The following UGT2B7 variants were observed in gnomAD, a reference collection of about 807,000 sequenced individuals.
UGT2B7 encodes the protein UDP-glucuronosyltransferase 2B7.
UGT2B7 carries 51 observed loss-of-function variants against 51.9 expected under a neutral mutation model. The ratio of observed to expected loss-of-function variants is 0.98; its 90% CI spans 0.78 to 1.24. The LOEUF (loss-of-function observed/expected upper bound fraction) is 1.24. Ranked by LOEUF, UGT2B7 falls within the 50% of genes most tolerant of loss-of-function variation. The pLI is 0.00. For synonymous variants in UGT2B7, 225 were observed against 211.6 expected, an observed-to-expected ratio of 1.06 and a Z score of -0.55; for missense variants, 727 against 628.4, an observed-to-expected ratio of 1.16 and a Z score of -1.68.
At chr4:69,098,752 GTCT>G in intron 2 of UGT2B7, 64 bp downstream of exon 2, 1 of 1,591,082 alleles carries the variant, frequency 6.3e-7, no homozygotes, top group Non-Finnish European at 8.5e-7. Context: ...TGATTCTATA[GTCT>G]TCTTTCAGAG....
At chr4:69,104,106 G>A (rs1719517879) in intron 3 of UGT2B7, among the ~76,000 whole-genome samples, 2 of 152,012 alleles carry the variant, frequency 1.3e-5, no homozygotes, top group Non-Finnish European at 2.9e-5. Flanking sequence ...GGCCAACATG[G>A]TGAAACCCGT....
rs1270145692 is a variant in UGT2B7, at chr4:69,097,240, AG to A, written c.721+1del. ...KWDQFYSEVL[G>X]RPTTLSETMG... is the part of the protein sequence containing the mutation. The stretch of plus-strand genomic sequence containing the variant: ...GGGATCAGTTTTATAGTGAAGTTCT[AG>A]GTAAGTATTTTTTTCAATCAGTAAC... On this transcript the variant is annotated frameshift_variant and splice_region_variant, in exon 1 of 6. Transcript: ENST00000305231. LOFTEE classifies it high-confidence loss of function. The A allele has an allele frequency of 6.2e-7, 1 of 1,601,592 alleles. No individual in the cohort carries two copies. The highest frequency in any genetic ancestry group is 2.2e-5 in the East Asian group (1 of 44,782).
At chr4:69,059,669 C>CT (rs1356283953) in intron 1 of UGT2B7, among the ~76,000 whole-genome samples, 1 of 151,826 alleles carries the variant, frequency 6.6e-6, no homozygotes, top group African/African-American at 2.4e-5. Context: ...ACAGTACCTG[C>CT]TACTCCCTGA....
chr4:69,086,188 T>C (rs931455382), intron 1 of UGT2B7, among the ~76,000 whole-genome samples: 2 of 151,858 alleles, frequency 1.3e-5, no homozygotes, highest in Admixed American at 1.3e-4. Context: ...GGTTTTGTTA[T>C]ATTGTCTTTC....
intron 5 of UGT2B7, among the ~76,000 whole-genome samples, chr4:69,109,969 G>A (rs957446423): frequency 2.0e-5 from 3 of 151,130 alleles, no homozygotes; most frequent in Non-Finnish European, 4.4e-5. Flanking sequence ...AAACCAGCTT[G>A]GACAAATAGA....
chr4:69,108,459 T>C, intron 5 of UGT2B7, 137 bp downstream of exon 5: 1 of 1,084,596 alleles, frequency 9.2e-7, no homozygotes, highest in Non-Finnish European at 1.3e-6. Context: ...GAAATCTGCT[T>C]TTATTTTTAT....
chr4:69,086,447 T>C (rs971812374), intron 1 of UGT2B7, among the ~76,000 whole-genome samples: 1 of 151,948 alleles, frequency 6.6e-6, no homozygotes, highest in Admixed American at 6.6e-5. Flanking sequence ...TTACATACTC[T>C]GCAGCTGTTG....
intron 1 of UGT2B7, 138 bp from the exon 2 acceptor site, chr4:69,098,402 T>C: frequency 6.7e-6 from 6 of 892,394 alleles, no homozygotes; most frequent in Non-Finnish European, 7.9e-6. Context: ...ATTATATCTA[T>C]ATATGAATAT....
chr4:69,054,932 T>C (rs1434206333), intron 1 of UGT2B7, among the ~76,000 whole-genome samples: 1 of 151,864 alleles, frequency 6.6e-6, no homozygotes, highest in African/African-American at 2.4e-5. Flanking sequence ...ATTTTATAGT[T>C]ATTATGAATG....
chr4:69,093,367 G>A (rs1416777295), upstream of UGT2B7, among the ~76,000 whole-genome samples: 1 of 152,218 alleles, frequency 6.6e-6, no homozygotes, highest in Non-Finnish European at 1.5e-5. Flanking sequence ...CCACGCGGCT[G>A]AGAGTTCCAT....
chr4:69,062,795 G>A (rs1401006629), intron 1 of UGT2B7, among the ~76,000 whole-genome samples: 2 of 152,166 alleles, frequency 1.3e-5, no homozygotes, highest in African/African-American at 2.4e-5. Flanking sequence ...ATGCACGGCC[G>A]AAGCTTGAAG....
intron 5 of UGT2B7, among the ~76,000 whole-genome samples, chr4:69,110,640 G>A (rs914247785): frequency 3.9e-5 from 6 of 151,968 alleles, no homozygotes; most frequent in African/African-American, 1.4e-4. Flanking sequence ...TAATGAGTAC[G>A]TATTATATAA....
intron 1 of UGT2B7, among the ~76,000 whole-genome samples, chr4:69,074,821 A>G (rs1243487647): frequency 6.6e-6 from 1 of 152,052 alleles, no homozygotes; most frequent in Non-Finnish European, 1.5e-5. Flanking sequence ...ATTCGTTCCA[A>G]TTTTAACAAC....
chr4:69,090,314 C>G (rs554059510), intron 2 of UGT2B7, among the ~76,000 whole-genome samples: 1 of 152,000 alleles, frequency 6.6e-6, no homozygotes, highest in East Asian at 1.9e-4. Flanking sequence ...ATTAGTTTTG[C>G]CTATTAAATT....
In UGT2B7 at chr4:69,112,905, A is replaced by T; in HGVS notation, c.*169A>T. 1 of 1,025,210 alleles carries T rather than the reference A, an allele frequency of 9.8e-7. No homozygotes were observed. Among genetic ancestry groups the T allele is most frequent in the Non-Finnish European group, 1.3e-6 (1 of 746,410 alleles). The allele number at this position is 1,025,210 out of a possible 1,614,324, so 63.5% of individuals were successfully genotyped here. A position where few individuals can be genotyped will look rare whatever the true frequency, so the allele number is the denominator to read the frequency against. ...TCAAATAAAAATTTGTTTTTCAGAG[A>T]TTTACCACCCAGTTCATGGTTAGAA... On this transcript the variant is annotated 3_prime_UTR_variant, in exon 6 of 6. Coordinates refer to ENST00000305231, the MANE Select transcript of UGT2B7 (RefSeq NM_001074.4).
chr4:69,062,504 G>A (rs777577080), intron 1 of UGT2B7, among the ~76,000 whole-genome samples: 7 of 152,094 alleles, frequency 4.6e-5, no homozygotes, highest in Admixed American at 6.5e-5. Flanking sequence ...CATATGGGAC[G>A]GGCCCCATAT....
At chr4:69,085,938 T>C (rs1335408030) in intron 1 of UGT2B7, among the ~76,000 whole-genome samples, 1 of 151,768 alleles carries the variant, frequency 6.6e-6, no homozygotes, top group Non-Finnish European at 1.5e-5. Context: ...CTGAAGCTTT[T>C]TAAATTTTAC....
rs534379184 is a variant in UGT2B7 at position 69,058,036 on chromosome 4, G to A, written c.-159+6434G>A. Among the ~76,000 whole-genome samples the A allele has an allele frequency of 3.2e-4, 49 of 152,288 alleles. No homozygotes were observed. The Middle Eastern group carries it at 0.01, about 32-fold the overall frequency. On this transcript the variant is annotated intron_variant, in intron 1 of 5. Transcript: ENST00000502942. ...TTTAGCAGCTTATTGCAGAATGCTC[G>A]CAGTTCAAGCCGAGAGTAATCAGCT...
chr4:69,053,248 A>G (rs1718087267), intron 1 of UGT2B7, among the ~76,000 whole-genome samples: 1 of 152,240 alleles, frequency 6.6e-6, no homozygotes, highest in Non-Finnish European at 1.5e-5. Flanking sequence ...TAAAAATCAT[A>G]CAAGAAGCAT....
Sources: allele counts gnomAD v4.1 joint callset (sites outside exome capture counted in the v4.1 genomes callset), GRCh38; gene constraint gnomAD v4.1.1; transcripts MANE v1.5; gene names NCBI Gene and HGNC (gene_info 2026-07-23, HGNC 2026-07-21).